Variants in PRKCI observed in about 807,000 individuals in gnomAD.
The protein encoded by PRKCI is protein kinase C iota, also known as protein kinase C iota type.
A neutral mutation model predicts 84.0 loss-of-function variants in PRKCI; 43 were observed. The observed-to-expected ratio is 0.51, with a 90% CI of 0.40 to 0.66. The LOEUF is 0.66. Among genes scored for constraint, PRKCI ranks in the 30% least tolerant of loss-of-function variants. PRKCI has a pLI of 0.00. For synonymous variants in PRKCI, 216 were observed against 234.4 expected (o/e 0.92, Z 0.72); for missense variants, 459 against 745.6 (o/e 0.62, Z 4.48).
At chr3:170,281,023 T>C in intron 9 of PRKCI, 143 bp from the exon 10 acceptor site, 1 of 582,372 alleles carries the variant, frequency 1.7e-6, no homozygotes, top group East Asian at 2.9e-5. Flanking sequence ...TCTTTGTATG[T>C]AAATTTTCGT....
intron 2 of PRKCI, among the ~76,000 whole-genome samples, chr3:170,257,812 G>A (rs1201351989): frequency 1.3e-5 from 2 of 151,640 alleles, no homozygotes; most frequent in Non-Finnish European, 1.5e-5. Flanking sequence ...CAACAGGCAC[G>A]TGCCACCACG....
At chr3:170,230,950 AT>A (rs748473877) in intron 1 of PRKCI, among the ~76,000 whole-genome samples, 161 of 138,018 alleles carry the variant, frequency 1.2e-3, no homozygotes, top group Middle Eastern at 3.8e-3. Flanking sequence ...TCATTATTTA[AT>A]TTTTTTTTTT....
At chr3:170,236,334 C>T (rs1486430468) in intron 2 of PRKCI, among the ~76,000 whole-genome samples, 1 of 152,068 alleles carries the variant, frequency 6.6e-6, no homozygotes, top group Non-Finnish European at 1.5e-5. Flanking sequence ...CTCCTGGCCT[C>T]AAGTGATCTG....
intron 2 of PRKCI, chr3:170,244,746 G>A (rs1733230550): frequency 6.6e-6 from 1 of 152,166 alleles, no homozygotes; most frequent in Non-Finnish European, 1.5e-5. Flanking sequence ...ATGGGGTTCG[G>A]AAGCATGTAT....
chr3:170,299,027 A>T lies in PRKCI; in HGVS notation c.1620A>T (p.Lys540Asn), dbSNP rs1311650226. 2 of 1,613,186 alleles carry T rather than the reference A, an allele frequency of 1.2e-6. No individual in the cohort carries two copies. Among genetic ancestry groups the T allele is most frequent in the Non-Finnish European group, 1.7e-6 (2 of 1,179,724 alleles). ...MEQKQVVPPF[K>N]PNISGEFGLD... The stretch of plus-strand genomic sequence containing the variant: ...AAAAACAGGTGGTACCTCCCTTTAA[A>T]CCAAATATTTCTGGGGAATTTGGTT... The change falls in exon 17 of 18, where the codon AAA (lysine) becomes AAT (asparagine). Residue 540 changes from lysine to asparagine, a missense_variant. By Grantham distance (94) the Lys-to-Asn change is moderately conservative (BLOSUM62 0). Transcript: ENST00000295797.
At chr3:170,274,320 G>A (rs2108855654) in intron 7 of PRKCI, among the ~76,000 whole-genome samples, 1 of 152,238 alleles carries the variant, frequency 6.6e-6, no homozygotes, top group East Asian at 1.9e-4. Flanking sequence ...TTTTAGTAGA[G>A]ATGGGGTTTC....
chr3:170,302,662 A>G (rs1026350330), intron 17 of PRKCI, among the ~76,000 whole-genome samples: 6 of 152,124 alleles, frequency 3.9e-5, no homozygotes, highest in African/African-American at 1.2e-4. Flanking sequence ...GGGCTACACT[A>G]TCTAACATCT....
chr3:170,237,219 G>A (rs562033025), intron 2 of PRKCI, among the ~76,000 whole-genome samples: 1 of 152,358 alleles, frequency 6.6e-6, no homozygotes, highest in South Asian at 2.1e-4. Context: ...ATGAAGTGGT[G>A]AAGTATGAAT....
At chr3:170,264,720 T>G (rs545119272) in intron 4 of PRKCI, among the ~76,000 whole-genome samples, 1 of 152,310 alleles carries the variant, frequency 6.6e-6, no homozygotes, top group South Asian at 2.1e-4. Flanking sequence ...ATTCTTACCC[T>G]TGGACACATT....
intron 1 of PRKCI, among the ~76,000 whole-genome samples, chr3:170,233,626 T>C (rs1389124009): frequency 1.3e-5 from 2 of 152,242 alleles, no homozygotes; most frequent in Non-Finnish European, 2.9e-5. Flanking sequence ...TAAGTGTTTA[T>C]ATAAAACTCC....
At chr3:170,298,389 C>T (rs1414502057) in intron 16 of PRKCI, among the ~76,000 whole-genome samples, 1 of 151,336 alleles carries the variant, frequency 6.6e-6, no homozygotes, top group African/African-American at 2.4e-5. Context: ...CCATGGTACC[C>T]AGCTAATTTT....
At chr3:170,289,482 A>G (rs1032467770) in intron 12 of PRKCI, among the ~76,000 whole-genome samples, 1 of 152,154 alleles carries the variant, frequency 6.6e-6, no homozygotes, top group African/African-American at 2.4e-5. Flanking sequence ...AGGGACAAGA[A>G]TGGAAGGAAG....
At chr3:170,281,464 G>A in intron 10 of PRKCI, 1 of 501,932 alleles carries the variant, frequency 2.0e-6, no homozygotes, top group Non-Finnish European at 3.5e-6. Context: ...ACCTACTTTA[G>A]GCAGAACAGG....
chr3:170,285,363 GC>G lies in PRKCI; in HGVS notation c.1203+769del, dbSNP rs1734354446. On this transcript the variant is annotated intron_variant, in intron 12 of 17. Transcript: ENST00000295797. ...CAAAGTGCTGGGATTACAGGCGTGA[GC>G]CATCGCGCCTGGCCTATTTCTTGAT... 2.0e-5 allele frequency among the ~76,000 whole-genome samples: 3 copies of G among 152,322 alleles called. No homozygotes were observed. In the South Asian group the frequency reaches 6.2e-4, roughly 32 times the overall value.
chr3:170,256,743 A>T (rs1480203766), intron 2 of PRKCI, among the ~76,000 whole-genome samples: 1 of 151,908 alleles, frequency 6.6e-6, no homozygotes, highest in Non-Finnish European at 1.5e-5. Flanking sequence ...TTGTTCTTTA[A>T]GATGCATCAT....
intron 7 of PRKCI, among the ~76,000 whole-genome samples, chr3:170,275,025 G>C (rs1344034194): frequency 6.6e-6 from 1 of 152,136 alleles, no homozygotes; most frequent in Admixed American, 6.5e-5. Context: ...CCTCACTAAA[G>C]ATTAGGATTT....
In PRKCI at chr3:170,281,216, T is replaced by C; in HGVS notation, c.933T>C (p.Asn311=). 1 of 1,613,810 alleles carries C rather than the reference T, an allele frequency of 6.2e-7. No individual in the cohort carries two copies. The highest frequency in any genetic ancestry group is 8.5e-7 in the Non-Finnish European group (1 of 1,179,972). The change falls in exon 10 of 18, where the codon AAT becomes AAC. Residue 311 remains asparagine, a synonymous_variant. Transcript: ENST00000295797. ...TEKHVFEQAS[N]HPFLVGLHSC... The stretch of plus-strand genomic sequence containing the variant: ...AGCATGTGTTTGAGCAGGCATCCAA[T>C]CATCCTTTCCTTGTTGGGCTGCATT...
chr3:170,257,442 A>G (rs1733611295), intron 2 of PRKCI, among the ~76,000 whole-genome samples: 1 of 152,186 alleles, frequency 6.6e-6, no homozygotes, highest in Non-Finnish European at 1.5e-5. Flanking sequence ...AAGAACATGG[A>G]GAAAGGATAT....
At position 170,254,964 on chromosome 3, in the gene PRKCI, A is replaced by G. The variant is rs1733544849; in HGVS notation, c.224-5005A>G. On this transcript the variant is annotated intron_variant, in intron 2 of 17. Coordinates refer to ENST00000295797, the MANE Select transcript of PRKCI (RefSeq NM_002740.6). ...TTCTTCCAATCCATGAACATGGAAT[A>G]TCTTTCCTTTTTTTTTTTTAATGTG... Among the ~76,000 whole-genome samples, 4 of 133,810 alleles carry G rather than the reference A, an allele frequency of 3.0e-5. No homozygotes were observed. In the South Asian group the frequency reaches 9.1e-4, roughly 30 times the overall value. The allele number at this position is 133,810 out of a possible 152,430, so 87.8% of individuals were successfully genotyped here.
Sources: gnomAD v4.1 joint callset for allele counts (sites outside exome capture counted in the v4.1 genomes callset) on GRCh38, gnomAD v4.1.1 for gene constraint, MANE v1.5 for transcripts, NCBI Gene and HGNC (gene_info 2026-07-23, HGNC 2026-07-21) for gene names.